PDE8A: variants seen among roughly 807,000 people sequenced by gnomAD.
The protein encoded by PDE8A is high affinity cAMP-specific and IBMX-insensitive 3',5'-cyclic phosphodiesterase 8A.
In PDE8A, 59 loss-of-function variants were observed where a neutral mutation model predicts 105.0. The observed-to-expected ratio is 0.56, with a 90% CI of 0.46 to 0.70. The LOEUF is 0.70. Among genes scored for constraint, PDE8A ranks in the 30% least tolerant of loss-of-function variants. The probability of loss-of-function intolerance (pLI) is 0.00; values close to 1 mark genes in which losing one functional copy is unlikely to be tolerated. For missense variants in PDE8A, 1,014 were observed against 1,045.9 expected (o/e 0.97, Z 0.42); for synonymous variants, 355 against 371.9 (o/e 0.95, Z 0.52).
intron 1 of PDE8A, among the ~76,000 whole-genome samples, chr15:85,052,430 G>T (rs1263987708): frequency 6.6e-6 from 1 of 152,186 alleles, no homozygotes; most frequent in Non-Finnish European, 1.5e-5. Context: ...CTAGTTTACA[G>T]TCCCACCAAC....
At chr15:84,989,621 C>G (rs972834314) in intron 1 of PDE8A, among the ~76,000 whole-genome samples, 3 of 152,136 alleles carry the variant, frequency 2.0e-5, no homozygotes, top group Admixed American at 2.0e-4. Flanking sequence ...AACTCCTGAT[C>G]CTGAGTTTTC....
rs1374237326 is a variant in PDE8A, at chr15:85,076,749, T to C, written c.508T>C (p.Leu170=). 6.3e-7 allele frequency: 1 copy of C among 1,597,662 alleles called. No individual in the cohort carries two copies. The highest frequency in any genetic ancestry group is 8.6e-7 in the Non-Finnish European group (1 of 1,165,136). ...ATTTTGAAGGGTGGATAGAGAAGAG[T>C]TGTCCGTAATGCCTTTCATTTCTGC... The part of the protein sequence containing the change: ...GVVRRVDREE[L]SVMPFISAGF... Residue 170 remains leucine (L), a synonymous_variant, in exon 5 of 22, where the codon TTG becomes CTG. Coordinates refer to ENST00000394553, the MANE Select transcript of PDE8A (RefSeq NM_002605.3).
At chr15:85,053,747 A>G (rs2081013453) in intron 1 of PDE8A, among the ~76,000 whole-genome samples, 1 of 152,234 alleles carries the variant, frequency 6.6e-6, no homozygotes, top group Non-Finnish European at 1.5e-5. Flanking sequence ...TAAATATACA[A>G]TCATGTCATC....
At chr15:85,017,823 G>T (rs2080352038) in intron 1 of PDE8A, among the ~76,000 whole-genome samples, 1 of 141,432 alleles carries the variant, frequency 7.1e-6, no homozygotes. Context: ...GGAGACAGAG[G>T]TTGCAGTGAG....
intron 20 of PDE8A, among the ~76,000 whole-genome samples, chr15:85,135,229 T>C (rs2082390195): frequency 6.6e-6 from 1 of 152,100 alleles, no homozygotes; most frequent in East Asian, 1.9e-4. Context: ...GCTGTGAGTG[T>C]AGAAGACACG....
intron 1 of PDE8A, among the ~76,000 whole-genome samples, chr15:84,982,790 C>T (rs1222948625): frequency 6.6e-6 from 1 of 152,230 alleles, no homozygotes; most frequent in African/African-American, 2.4e-5. Context: ...CTGGCCTCAC[C>T]ACTCTTTTCC....
Position 85,123,042 on chromosome 15 carries a change from A to G in PDE8A, c.1953-19A>G, listed in dbSNP as rs773666711. On this transcript the variant is annotated intron_variant, in intron 18 of 21. Coordinates refer to ENST00000394553, the MANE Select transcript of PDE8A (RefSeq NM_002605.3). ...GGATCAGTAATTTGTAGCAGCCTCT[A>G]ATTTGTCATCGAAAACAGGAATGAT... 6.0e-5 allele frequency: 97 copies of G among 1,612,542 alleles called. No individual in the cohort carries two copies. The highest frequency in any genetic ancestry group is 7.8e-5 in the Non-Finnish European group (92 of 1,178,808).
chr15:85,073,311 C>T (rs1383304353), intron 3 of PDE8A, among the ~76,000 whole-genome samples: 1 of 152,178 alleles, frequency 6.6e-6, no homozygotes, highest in Admixed American at 6.5e-5. Context: ...TGTTATTTTT[C>T]AACTCAGTTT....
chr15:85,131,976 A>G (rs1417648755), intron 20 of PDE8A, among the ~76,000 whole-genome samples: 1 of 152,230 alleles, frequency 6.6e-6, no homozygotes, highest in East Asian at 1.9e-4. Context: ...ATTATCTCCT[A>G]TATGTGATGA....
At position 85,137,998 on chromosome 15, in the gene PDE8A, C is replaced by G; in HGVS notation, c.*95C>G. ...GCTCCTTGGTCCTTTCAGTACTAGG[C>G]AGAACAGCCCCCGATCTGCATAGCC... is the stretch of plus-strand genomic sequence containing the variant. On this transcript the variant is annotated 3_prime_UTR_variant, in exon 22 of 22. Transcript: ENST00000394553. The G allele has an allele frequency of 2.7e-6, 2 of 734,084 alleles. No individual in the cohort carries two copies. The highest frequency in any genetic ancestry group is 1.6e-5 in the South Asian group (1 of 62,566). 45.5% of individuals were successfully genotyped at this position (734,084 alleles called of 1,614,324 possible). A position where few individuals can be genotyped will look rare whatever the true frequency, so the allele number is the denominator to read the frequency against.
At chr15:85,040,468 T>C (rs1207739801) in intron 1 of PDE8A, among the ~76,000 whole-genome samples, 24 of 152,026 alleles carry the variant, frequency 1.6e-4, no homozygotes. Flanking sequence ...CCTTTTCCTT[T>C]CTGTCTTCTC....
intron 1 of PDE8A, among the ~76,000 whole-genome samples, chr15:85,034,425 G>A (rs1596460783): frequency 6.6e-6 from 1 of 152,146 alleles, no homozygotes; most frequent in East Asian, 1.9e-4. Context: ...AACAAATGTG[G>A]AGATTGATAC....
intron 1 of PDE8A, among the ~76,000 whole-genome samples, chr15:84,982,719 C>T (rs190754234): frequency 4.5e-4 from 68 of 152,286 alleles, no homozygotes; most frequent in African/African-American, 1.6e-3. Flanking sequence ...TCTGGCGCGC[C>T]CCTGCAATGT....
intron 1 of PDE8A, among the ~76,000 whole-genome samples, chr15:85,046,168 A>G (rs919265250): frequency 1.3e-5 from 2 of 149,980 alleles, no homozygotes; most frequent in Admixed American, 6.7e-5. Flanking sequence ...CCCAGGTTCA[A>G]TCCCTCCTGA....
chr15:85,081,500 G>A (rs10520586), intron 5 of PDE8A, among the ~76,000 whole-genome samples: 13,460 of 152,190 alleles, frequency 0.088, 1,652 homozygotes, highest in African/African-American at 0.28. Context: ...GATATGCTTT[G>A]GAGAAAGTGA....
chr15:85,101,397 A>G (rs1241995046), intron 11 of PDE8A, among the ~76,000 whole-genome samples: 1 of 152,248 alleles, frequency 6.6e-6, no homozygotes, highest in Admixed American at 6.5e-5. Context: ...GCGGGAAAGC[A>G]TTCCAGCAAT....
chr15:85,090,097 G>A (rs1361990472), intron 7 of PDE8A, among the ~76,000 whole-genome samples: 1 of 152,188 alleles, frequency 6.6e-6, no homozygotes, highest in Non-Finnish European at 1.5e-5. Context: ...TGTTGAAGAG[G>A]TGATGGTGTT....
intron 1 of PDE8A, among the ~76,000 whole-genome samples, chr15:84,991,095 T>A (rs1237638060): frequency 6.6e-6 from 1 of 152,214 alleles, no homozygotes; most frequent in Non-Finnish European, 1.5e-5. Context: ...CATTATGACC[T>A]CTGGGTAGGG....
At chr15:85,131,041 G>A (rs2082323380) in intron 20 of PDE8A, among the ~76,000 whole-genome samples, 1 of 152,134 alleles carries the variant, frequency 6.6e-6, no homozygotes, top group Non-Finnish European at 1.5e-5. Context: ...ACAGGCCTGA[G>A]CCACCGCGCC....
Sources: allele counts gnomAD v4.1 joint callset (sites outside exome capture counted in the v4.1 genomes callset), GRCh38; gene constraint gnomAD v4.1.1; transcripts MANE v1.5; gene names NCBI Gene and HGNC (gene_info 2026-07-23, HGNC 2026-07-21).